Variants in GPC6 observed in about 807,000 individuals in gnomAD.
GPC6 encodes glypican-6.
Under a neutral mutation model 55.2 loss-of-function variants are expected in GPC6, and 14 were observed. The observed-to-expected ratio is 0.25, with a 90% CI of 0.17 to 0.40. The LOEUF (loss-of-function observed/expected upper bound fraction) is 0.40. GPC6 is among the 10% of genes least tolerant of loss of function. GPC6 has a pLI of 1.00. For synonymous variants in GPC6, 278 were observed against 259.6 expected, an observed-to-expected ratio of 1.07 and a Z score of -0.68; for missense variants, 641 against 708.5, an observed-to-expected ratio of 0.90 and a Z score of 1.08.
chr13:93,519,322 A>C (rs549261498), intron 1 of GPC6, among the ~76,000 whole-genome samples: 21 of 152,144 alleles, frequency 1.4e-4, no homozygotes, highest in Admixed American at 9.2e-4. Flanking sequence ...ATATGCAAAC[A>C]TGCACATCTG....
chr13:94,274,550 A>G (rs1037411945), intron 4 of GPC6, among the ~76,000 whole-genome samples: 1 of 152,142 alleles, frequency 6.6e-6, no homozygotes, highest in African/African-American at 2.4e-5. Context: ...ATCTTTTTGT[A>G]TGAACCTAAA....
intron 1 of GPC6, among the ~76,000 whole-genome samples, chr13:93,466,718 T>C (rs955735884): frequency 2.0e-5 from 3 of 152,176 alleles, no homozygotes; most frequent in African/African-American, 4.8e-5. Flanking sequence ...TAATTTGGCA[T>C]GTGTATGGAA....
At chr13:93,627,512 C>A (rs1879252483) in intron 2 of GPC6, among the ~76,000 whole-genome samples, 1 of 152,112 alleles carries the variant, frequency 6.6e-6, no homozygotes, top group Non-Finnish European at 1.5e-5. Flanking sequence ...GGTCACAGAT[C>A]CAAAACTTAT....
intron 1 of GPC6, among the ~76,000 whole-genome samples, chr13:93,236,402 AG>A (rs983861967): frequency 1.3e-5 from 2 of 151,856 alleles, no homozygotes; most frequent in African/African-American, 4.8e-5. Context: ...CCTACTTCTT[AG>A]TCTCCGGTGT....
intron 3 of GPC6, among the ~76,000 whole-genome samples, chr13:93,978,320 T>G (rs1880615279): frequency 6.6e-6 from 1 of 152,168 alleles, no homozygotes; most frequent in South Asian, 2.1e-4. Flanking sequence ...AATGAATTTG[T>G]TTTGTTTTAT....
intron 6 of GPC6, among the ~76,000 whole-genome samples, chr13:94,380,558 T>A (rs1229237978): frequency 6.6e-6 from 1 of 152,216 alleles, no homozygotes; most frequent in South Asian, 2.1e-4. Context: ...TCTTTATACA[T>A]CTGTATATTT....
At chr13:93,518,889 AG>A (rs1169847602) in intron 1 of GPC6, among the ~76,000 whole-genome samples, 1 of 152,038 alleles carries the variant, frequency 6.6e-6, no homozygotes, top group Non-Finnish European at 1.5e-5. Flanking sequence ...AGGCTAAACC[AG>A]GGATTAGCAA....
intron 1 of GPC6, among the ~76,000 whole-genome samples, chr13:93,457,448 C>T (rs1326658527): frequency 6.6e-6 from 1 of 152,122 alleles, no homozygotes; most frequent in East Asian, 1.9e-4. Context: ...GTAGGTTATT[C>T]TGTGATAACA....
At chr13:93,364,424 C>T (rs1175855335) in intron 1 of GPC6, among the ~76,000 whole-genome samples, 10 of 151,994 alleles carry the variant, frequency 6.6e-5, no homozygotes, top group Middle Eastern at 3.4e-3. Flanking sequence ...ACTACAGCAA[C>T]GTTAGTGTTT....
At chr13:93,349,072 T>C (rs936261251) in intron 1 of GPC6, among the ~76,000 whole-genome samples, 9 of 152,188 alleles carry the variant, frequency 5.9e-5, no homozygotes, top group Non-Finnish European at 1.2e-4. Context: ...TTACTTTTAC[T>C]CTGTATGATA....
At position 94,015,190 on chromosome 13, in the gene GPC6, C is replaced by A. The variant is rs538127404; in HGVS notation, c.712-12539C>A. Among the ~76,000 whole-genome samples, 9 of 152,310 alleles carry A rather than the reference C, an allele frequency of 5.9e-5. No homozygotes were observed. The South Asian group carries it at 1.9e-3, about 32-fold the overall frequency. On this transcript the variant is annotated intron_variant, in intron 3 of 8. Coordinates refer to ENST00000377047, the MANE Select transcript of GPC6 (RefSeq NM_005708.5). ...ATGTTTCAATGTCTTCACATGTACA[C>A]CCACACTGGTTATTATCTGTCTTTT...
At chr13:93,254,555 A>C (rs1280962527) in intron 1 of GPC6, among the ~76,000 whole-genome samples, 2 of 152,182 alleles carry the variant, frequency 1.3e-5, no homozygotes, top group Non-Finnish European at 2.9e-5. Flanking sequence ...AAAGGTGAAA[A>C]CAAGTTGGCA....
At chr13:93,923,085 A>G (rs1011606624) in intron 3 of GPC6, among the ~76,000 whole-genome samples, 1 of 152,212 alleles carries the variant, frequency 6.6e-6, no homozygotes, top group Non-Finnish European at 1.5e-5. Flanking sequence ...GCTAAAAGAC[A>G]TGACTAGAAC....
rs544058295 is a variant in GPC6, at chr13:93,362,958, T to G, written c.160+135342T>G. ...AACAGTGCTAGTATTAATTTTTAGG[T>G]GAAAAGACAGGTCAGAACAGTCTGA... On this transcript the variant is annotated intron_variant, in intron 1 of 8. Coordinates refer to ENST00000377047, the MANE Select transcript of GPC6 (RefSeq NM_005708.5). Among the ~76,000 whole-genome samples, 5 of 152,128 alleles carry G rather than the reference T, an allele frequency of 3.3e-5. No homozygotes were observed. The East Asian group carries it at 9.7e-4, about 29-fold the overall frequency.
chr13:93,394,587 C>T (rs1875773112), intron 1 of GPC6, among the ~76,000 whole-genome samples: 2 of 152,100 alleles, frequency 1.3e-5, no homozygotes, highest in South Asian at 4.1e-4. Context: ...AACATATTTT[C>T]AAGTTGGTGA....
intron 2 of GPC6, among the ~76,000 whole-genome samples, chr13:93,815,441 C>T (rs1173205981): frequency 6.6e-6 from 1 of 152,042 alleles, no homozygotes; most frequent in Non-Finnish European, 1.5e-5. Flanking sequence ...ATAATTTTAA[C>T]ATGATGAAAA....
intron 4 of GPC6, among the ~76,000 whole-genome samples, chr13:94,064,099 G>C (rs1210342175): frequency 6.6e-6 from 1 of 152,114 alleles, no homozygotes; most frequent in Non-Finnish European, 1.5e-5. Flanking sequence ...CTTAGTCTCA[G>C]CTTTCACTCC....
chr13:93,802,236 T>G (rs1886397957), intron 2 of GPC6, among the ~76,000 whole-genome samples: 1 of 152,144 alleles, frequency 6.6e-6, no homozygotes, highest in East Asian at 1.9e-4. Context: ...ATGGCAATTT[T>G]TTTCCTGTAT....
intron 1 of GPC6, among the ~76,000 whole-genome samples, chr13:93,367,449 G>A (rs761953623): frequency 2.4e-4 from 37 of 151,908 alleles, no homozygotes; most frequent in Non-Finnish European, 4.4e-4. Flanking sequence ...TTTCTATTTC[G>A]TTGGTTTCTG....
Sources: allele counts gnomAD v4.1 joint callset (sites outside exome capture counted in the v4.1 genomes callset), GRCh38; gene constraint gnomAD v4.1.1; transcripts MANE v1.5; gene names NCBI Gene and HGNC (gene_info 2026-07-23, HGNC 2026-07-21).